CUX1: variants seen among roughly 807,000 people sequenced by gnomAD.
The protein encoded by CUX1 is protein CASP.
A neutral mutation model predicts 158.8 loss-of-function variants in CUX1; 31 were observed. The ratio of observed to expected loss-of-function variants is 0.20; its 90% CI spans 0.15 to 0.26. The LOEUF (loss-of-function observed/expected upper bound fraction) is 0.26, where lower values mean the gene tolerates loss of function less well. Ranked by LOEUF, CUX1 falls within the 10% of genes least tolerant of loss-of-function variation. The pLI, the probability that CUX1 is intolerant of heterozygous loss-of-function variation, is 1.00. For missense variants in CUX1, 1,589 were observed against 2,014.6 expected (o/e 0.79, Z 4.04); for synonymous variants, 879 against 862.1 (o/e 1.02, Z -0.34).
At chr7:102,070,161 T>C (rs560468304) in intron 3 of CUX1, among the ~76,000 whole-genome samples, 178 bp from the exon 4 acceptor site, 1 of 152,324 alleles carries the variant, frequency 6.6e-6, no homozygotes, top group African/African-American at 2.4e-5. Flanking sequence ...CCTCCCTTGT[T>C]TACCTTCATG....
At position 102,097,368 on chromosome 7, in the gene CUX1, C is replaced by G. The variant is rs1335972038; in HGVS notation, c.273C>G (p.Pro91=). 4 of 1,608,384 alleles carry G rather than the reference C, an allele frequency of 2.5e-6. No individual in the cohort carries two copies. The highest frequency in any genetic ancestry group is 3.4e-6 in the Non-Finnish European group (4 of 1,178,728). ...GGCTGTTTTCCTGTTGTGCAGATCC[C>G]GTACCAGCTTTGGATCTCGGACAGC... ...VYKRLIDVPD[P]VPALDLGQQL... The change falls in exon 5 of 24, where the codon CCC becomes CCG. Residue 91 remains proline (P), a synonymous_variant. Coordinates refer to ENST00000292535, the MANE Select transcript of CUX1 (RefSeq NM_181552.4).
chr7:101,831,541 G>A (rs1459676422), intron 1 of CUX1, among the ~76,000 whole-genome samples: 1 of 151,756 alleles, frequency 6.6e-6, no homozygotes, highest in Non-Finnish European at 1.5e-5. Context: ...ATCCACCCAC[G>A]TCAGCCTCCC....
In CUX1 at chr7:101,947,372, C is replaced by T. The variant is rs138610502; in HGVS notation, c.141+31147C>T. On this transcript the variant is annotated intron_variant, in intron 2 of 23. Coordinates refer to ENST00000292535, the MANE Select transcript of CUX1 (RefSeq NM_181552.4). Reference sequence around the variant, plus strand: ...TCATGCCACTGCACTCCAGCCTGAGCAAGAGCGAGACTCCGTCTCAAAAAA... The same window carrying T: ...TCATGCCACTGCACTCCAGCCTGAGTAAGAGCGAGACTCCGTCTCAAAAAA... 5.2e-3 allele frequency among the ~76,000 whole-genome samples: 794 copies of T among 152,272 alleles called. 11 individuals carry two copies. The highest frequency in any genetic ancestry group is 0.018 in the African/African-American group (747 of 41,572).
At chr7:102,177,749 G>A (rs1035954475) in intron 10 of CUX1, among the ~76,000 whole-genome samples, 2 of 152,032 alleles carry the variant, frequency 1.3e-5, no homozygotes, top group South Asian at 4.1e-4. Flanking sequence ...TCTCAGCTCT[G>A]ACTCTGGCCT....
Position 102,134,651 on chromosome 7 carries a change from G to T in CUX1, c.674+19378G>T, listed in dbSNP as rs147107856. ...CCAGCTCTGTTGCCCAGACTGGAAT[G>T]CAGTGGCGCAATCACGACTCACTGC... On this transcript the variant is annotated intron_variant, in intron 8 of 23. Transcript: ENST00000292535. 3.8e-3 allele frequency among the ~76,000 whole-genome samples: 577 copies of T among 152,298 alleles called. 2 individuals carry two copies. The highest frequency in any genetic ancestry group is 0.013 in the African/African-American group (550 of 41,554).
chr7:101,916,200 G>A lies in CUX1; in HGVS notation c.116G>A (p.Arg39Gln). The A allele has an allele frequency of 1.2e-6, 2 of 1,613,234 alleles. No homozygotes were observed. Among genetic ancestry groups the A allele is most frequent in the African/African-American group, 1.3e-5 (1 of 74,996 alleles). ...QSRKRLIEQSREFKKNTPEDL... is the reference protein window; with the variant it reads ...QSRKRLIEQSQEFKKNTPEDL... ...AGAAAGCGGCTTATCGAACAGAGCCGGGAGTTCAAGAAGAACACTCCAGAG... is the reference window on the plus strand; with the variant it reads ...AGAAAGCGGCTTATCGAACAGAGCCAGGAGTTCAAGAAGAACACTCCAGAG... The change falls in exon 2 of 24, where the codon CGG becomes CAG. Residue 39 changes from arginine (R) to glutamine (Q), a missense_variant. Transcript: ENST00000292535. The surrounding 1 kb of genome is among the most constrained non-coding windows in gnomAD (Gnocchi z 4.4).
intron 1 of CUX1, among the ~76,000 whole-genome samples, chr7:101,841,657 A>G (rs1795209384): frequency 6.6e-6 from 1 of 152,100 alleles, no homozygotes. Context: ...TCCCGGGTTC[A>G]AGTGATCCTC....
At chr7:102,097,799 G>A (rs1829356903) in intron 5 of CUX1, among the ~76,000 whole-genome samples, 1 of 152,208 alleles carries the variant, frequency 6.6e-6, no homozygotes, top group African/African-American at 2.4e-5. Context: ...TCTGCCTCTT[G>A]AAAGGCCCAT....
intron 3 of CUX1, among the ~76,000 whole-genome samples, chr7:102,037,556 T>C (rs536024919): frequency 6.6e-6 from 1 of 151,718 alleles, no homozygotes; most frequent in Non-Finnish European, 1.5e-5. Flanking sequence ...TTCTCTGTGT[T>C]GGTCAGGCTG....
At chr7:102,242,196 T>C (rs1216956177) in intron 23 of CUX1, among the ~76,000 whole-genome samples, 1 of 142,834 alleles carries the variant, frequency 7.0e-6, no homozygotes, top group Non-Finnish European at 1.5e-5. Context: ...ATTTCCACTT[T>C]CTTTCTTTCT....
In CUX1 at chr7:102,258,127, T is replaced by C; in HGVS notation, c.*9085T>C. Reference sequence around the variant, plus strand: ...TCTCAGCACTGTACAACGGTCCCTATATAATACGGAGAAGCAATATCACTG... The same window carrying C: ...TCTCAGCACTGTACAACGGTCCCTACATAATACGGAGAAGCAATATCACTG... On this transcript the variant is annotated 3_prime_UTR_variant, in exon 24 of 24. Transcript: ENST00000292535. The C allele has an allele frequency of 1.0e-6, 1 of 985,312 alleles. No homozygotes were observed. Among genetic ancestry groups the C allele is most frequent in the Non-Finnish European group, 1.2e-6 (1 of 829,854 alleles). 61.0% of individuals were successfully genotyped at this position (985,312 alleles called of 1,614,324 possible).
At chr7:101,966,966 C>G (rs1288304784) in intron 2 of CUX1, among the ~76,000 whole-genome samples, 1 of 152,126 alleles carries the variant, frequency 6.6e-6, no homozygotes, top group African/African-American at 2.4e-5. Context: ...AGCCCCATAA[C>G]TTGGTTCCTT....
intron 15 of CUX1, among the ~76,000 whole-genome samples, chr7:102,198,356 A>G (rs1554518938): frequency 6.6e-6 from 1 of 152,258 alleles, no homozygotes; most frequent in African/African-American, 2.4e-5. Flanking sequence ...TTCATCAGAC[A>G]TGTTTGAAAC....
chr7:102,067,967 G>C (rs1208928285), intron 3 of CUX1, among the ~76,000 whole-genome samples: 1 of 151,912 alleles, frequency 6.6e-6, no homozygotes, highest in Non-Finnish European at 1.5e-5. Context: ...GCTGCAGTGA[G>C]CTGAGACTGC....
intron 23 of CUX1, among the ~76,000 whole-genome samples, chr7:102,244,051 AAAG>A (rs1383981795): frequency 2.6e-5 from 4 of 151,790 alleles, no homozygotes; most frequent in Non-Finnish European, 5.9e-5. Context: ...AAAAATAAAA[AAAG>A]ACCACTCACC....
intron 3 of CUX1, among the ~76,000 whole-genome samples, chr7:102,063,349 C>A (rs1825149253): frequency 6.7e-6 from 1 of 150,310 alleles, no homozygotes. Context: ...GCTTACTACA[C>A]AGAGAACTCT....
intron 2 of CUX1, among the ~76,000 whole-genome samples, chr7:101,977,637 T>C (rs1355345958): frequency 6.6e-6 from 1 of 152,028 alleles, no homozygotes; most frequent in African/African-American, 2.4e-5. Flanking sequence ...AGTGAAACCG[T>C]GGCTCAAAAT....
At chr7:102,128,610 G>A (rs1465571051) in intron 8 of CUX1, among the ~76,000 whole-genome samples, 2 of 151,528 alleles carry the variant, frequency 1.3e-5, no homozygotes, top group African/African-American at 4.9e-5. Context: ...TAAAGACCTG[G>A]GTTTAATTCC....
At chr7:101,816,891 C>T, upstream of CUX1, 6 of 979,736 alleles carry the variant, frequency 6.1e-6, no homozygotes, top group Non-Finnish European at 7.2e-6. Context: ...GCCGCCGCTC[C>T]GGCACCCCGC....
Sources: gnomAD v4.1 joint callset for allele counts (sites outside exome capture counted in the v4.1 genomes callset) on GRCh38, gnomAD v4.1.1 for gene constraint, Gnocchi (gnomAD v3.1) non-coding constraint, MANE v1.5 for transcripts, NCBI Gene and HGNC (gene_info 2026-07-23, HGNC 2026-07-21) for gene names.